The following CSMD1 variants were observed in gnomAD, a reference collection of about 807,000 sequenced individuals.
The protein encoded by CSMD1 is CUB and Sushi multiple domains 1.
Under a neutral mutation model 417.5 loss-of-function variants are expected in CSMD1, and 213 were observed. The observed-to-expected ratio is 0.51, with a 90% CI of 0.46 to 0.57. CSMD1 has a LOEUF of 0.57. Ranked by LOEUF, CSMD1 falls within the 20% of genes least tolerant of loss-of-function variation. CSMD1 has a pLI of 0.00. For synonymous variants in CSMD1, 2,862 were observed against 1,736.8 expected (o/e 1.65, Z -16.11); for missense variants, 6,923 against 4,529.7 (o/e 1.53, Z -15.17).
At chr8:3,180,299 CTG>C (rs1821241685) in intron 37 of CSMD1, among the ~76,000 whole-genome samples, 1 of 152,178 alleles carries the variant, frequency 6.6e-6, no homozygotes, top group Admixed American at 6.5e-5. Context: ...TTAGAGTCGA[CTG>C]TGCGATGCCT....
intron 2 of CSMD1, among the ~76,000 whole-genome samples, chr8:4,553,161 C>T (rs963382464): frequency 3.3e-5 from 5 of 152,198 alleles, no homozygotes; most frequent in South Asian, 2.1e-4. Context: ...TTGCTTTGTA[C>T]GTTTTCAGTT....
At chr8:4,047,030 G>C (rs866247378) in intron 3 of CSMD1, among the ~76,000 whole-genome samples, 5 of 152,162 alleles carry the variant, frequency 3.3e-5, no homozygotes, top group Non-Finnish European at 5.9e-5. Flanking sequence ...TTGTGACATA[G>C]AGGGAACACC....
At chr8:4,256,002 G>C (rs550447721) in intron 3 of CSMD1, among the ~76,000 whole-genome samples, 6 of 152,138 alleles carry the variant, frequency 3.9e-5, no homozygotes, top group African/African-American at 4.8e-5. Flanking sequence ...GGTAGAGAGG[G>C]TTATCTCATA....
intron 2 of CSMD1, among the ~76,000 whole-genome samples, chr8:4,588,590 T>C (rs568430052): frequency 1.3e-5 from 2 of 151,874 alleles, no homozygotes; most frequent in South Asian, 2.1e-4. Context: ...ATCGAGACCA[T>C]CCTGGTTAAC....
chr8:3,396,656 A>C (rs1267614462), intron 16 of CSMD1, among the ~76,000 whole-genome samples: 2 of 152,168 alleles, frequency 1.3e-5, no homozygotes, highest in African/African-American at 4.8e-5. Context: ...AAACAAAAAT[A>C]CTATGAACCA....
intron 7 of CSMD1, among the ~76,000 whole-genome samples, chr8:3,703,196 C>G (rs1338833513): frequency 9.2e-5 from 14 of 152,132 alleles, no homozygotes; most frequent in Admixed American, 9.2e-4. Flanking sequence ...GAGAGTCGCC[C>G]TCACCGCACA....
intron 3 of CSMD1, among the ~76,000 whole-genome samples, chr8:4,358,458 G>A (rs1028235952): frequency 6.6e-6 from 1 of 152,170 alleles, no homozygotes; most frequent in South Asian, 2.1e-4. Context: ...GGCCTGGGGG[G>A]AGCTGCCACT....
At chr8:4,980,409 G>T (rs73659428) in intron 1 of CSMD1, among the ~76,000 whole-genome samples, 24 of 152,298 alleles carry the variant, frequency 1.6e-4, no homozygotes, top group African/African-American at 5.8e-4. Flanking sequence ...GGCAGGTCTG[G>T]TCTTGTGTGT....
At chr8:3,246,824 A>G (rs890237878) in intron 26 of CSMD1, among the ~76,000 whole-genome samples, 1 of 152,178 alleles carries the variant, frequency 6.6e-6, no homozygotes, top group African/African-American at 2.4e-5. Context: ...TTCCCCTGAC[A>G]CACTGAGAGC....
chr8:4,300,606 C>G (rs1053626960), intron 3 of CSMD1, among the ~76,000 whole-genome samples: 5 of 152,126 alleles, frequency 3.3e-5, no homozygotes, highest in Admixed American at 2.0e-4. Flanking sequence ...CATATGTATA[C>G]ATGTGCCATG....
intron 6 of CSMD1, among the ~76,000 whole-genome samples, chr8:3,711,886 C>T (rs1296435035): frequency 6.6e-6 from 1 of 152,122 alleles, no homozygotes; most frequent in African/African-American, 2.4e-5. Context: ...GTCACTCACC[C>T]TAAACAGATA....
At chr8:3,982,043 C>G (rs1461464169) in intron 5 of CSMD1, among the ~76,000 whole-genome samples, 1 of 151,752 alleles carries the variant, frequency 6.6e-6, no homozygotes, top group East Asian at 1.9e-4. Flanking sequence ...CGGTGACGGT[C>G]GCCTGTAATC....
Position 3,542,141 on chromosome 8 carries a change from C to T in CSMD1, c.1344+32804G>A, listed in dbSNP as rs149244530. Among the ~76,000 whole-genome samples, 623 of 152,288 alleles carry T rather than the reference C, an allele frequency of 4.1e-3. 17 individuals are homozygous for T. The East Asian group carries it at 0.052, about 13-fold the overall frequency. ...ACTCTTTTATTTCCTATGGAAATCC[C>T]TTTAAAGTTACATTATTACAAAATA... is the stretch of plus-strand genomic sequence containing the variant. On this transcript the variant is annotated intron_variant, in intron 10 of 69. Coordinates refer to ENST00000635120, the MANE Select transcript of CSMD1 (RefSeq NM_033225.6).
chr8:4,362,413 G>A (rs934480426), intron 3 of CSMD1, among the ~76,000 whole-genome samples: 1 of 152,242 alleles, frequency 6.6e-6, no homozygotes, highest in East Asian at 1.9e-4. Context: ...AGGTCCGAGG[G>A]ATTAGATGTA....
intron 68 of CSMD1, among the ~76,000 whole-genome samples, chr8:2,945,743 T>C (rs1430793260): frequency 6.6e-6 from 1 of 152,152 alleles, no homozygotes; most frequent in African/African-American, 2.4e-5. Context: ...TCCTCTCTCA[T>C]TGCCCTCCTT....
intron 1 of CSMD1, among the ~76,000 whole-genome samples, chr8:4,984,874 C>G (rs572525179): frequency 3.4e-4 from 51 of 152,190 alleles, no homozygotes; most frequent in African/African-American, 1.1e-3. Context: ...ATCTAAGATG[C>G]TAGTGAGCCA....
intron 2 of CSMD1, among the ~76,000 whole-genome samples, chr8:4,492,599 T>G (rs545193525): frequency 3.5e-4 from 53 of 152,204 alleles, no homozygotes; most frequent in Non-Finnish European, 6.9e-4. Context: ...GGATTAAATA[T>G]TTTGGTTTAA....
At position 4,916,135 on chromosome 8, in the gene CSMD1, G is replaced by T. The variant is rs973032136; in HGVS notation, c.85+78197C>A. 3.3e-5 allele frequency among the ~76,000 whole-genome samples: 5 copies of T among 152,316 alleles called. No individual in the cohort carries two copies. The East Asian group carries it at 9.7e-4, about 29-fold the overall frequency. On this transcript the variant is annotated intron_variant, in intron 1 of 69. Transcript: ENST00000635120. ...AGCAGGAGTCTGATGAAGTCAGGAA[G>T]ATAACTCAGGGCATAAAAATGTTTT...
intron 51 of CSMD1, among the ~76,000 whole-genome samples, chr8:3,025,860 A>C (rs759764267): frequency 6.6e-6 from 1 of 152,208 alleles, no homozygotes; most frequent in Non-Finnish European, 1.5e-5. Flanking sequence ...TTAATACGTA[A>C]AATTGTATCC....
Sources: gnomAD v4.1 joint callset for allele counts (sites outside exome capture counted in the v4.1 genomes callset) on GRCh38, gnomAD v4.1.1 for gene constraint, MANE v1.5 for transcripts, NCBI Gene and HGNC (gene_info 2026-07-23, HGNC 2026-07-21) for gene names.